GTSE1: variants seen among roughly 807,000 people sequenced by gnomAD.
The protein encoded by GTSE1 is G2 and S-phase expressed 1.
Under a neutral mutation model 60.5 loss-of-function variants are expected in GTSE1, and 52 were observed. The ratio of observed to expected loss-of-function variants is 0.86; its 90% CI spans 0.69 to 1.08. The LOEUF is 1.08. Ranked by LOEUF, GTSE1 falls within the 50% of genes least tolerant of loss-of-function variation. GTSE1 has a pLI of 0.00. For missense variants in GTSE1, 937 were observed against 961.8 expected, an observed-to-expected ratio of 0.97 and a Z score of 0.34; for synonymous variants, 368 against 386.5, an observed-to-expected ratio of 0.95 and a Z score of 0.56.
chr22:46,326,876 A>G, intron 9 of GTSE1: 1 of 455,208 alleles, frequency 2.2e-6, no homozygotes, highest in Non-Finnish European at 3.9e-6. Flanking sequence ...ATTCTCTGAT[A>G]ATCAATTTGA....
chr22:46,323,165 C>T (rs771926344), intron 7 of GTSE1, 25 bp from the exon 8 acceptor site: 22 of 1,558,330 alleles, frequency 1.4e-5, no homozygotes, highest in Admixed American at 3.3e-5. Context: ...TTTACCTGAC[C>T]GCACACTTCC....
chr22:46,302,986 G>A (rs566314792), intron 2 of GTSE1, among the ~76,000 whole-genome samples: 16 of 142,568 alleles, frequency 1.1e-4, no homozygotes, highest in African/African-American at 2.4e-4. Flanking sequence ...TGCAAGCTCC[G>A]CCTCCCAGGT....
chr22:46,311,552 C>T (rs905657767), intron 4 of GTSE1, among the ~76,000 whole-genome samples: 1 of 152,210 alleles, frequency 6.6e-6, no homozygotes, highest in Non-Finnish European at 1.5e-5. Flanking sequence ...GTTACTGCTG[C>T]GTCTTTACCA....
rs1387782062 is a variant in GTSE1, at chr22:46,317,993, C to T, written c.1432+1581C>T. Among the ~76,000 whole-genome samples the T allele has an allele frequency of 6.6e-6, 1 of 152,236 alleles. No homozygotes were observed. The highest frequency in any genetic ancestry group is 1.5e-5 in the Non-Finnish European group (1 of 68,048). The stretch of plus-strand genomic sequence containing the variant: ...GTGCTCAGCCAGAGACTCGAGATTC[C>T]CTTGGGTTCCTAGAGCTCGTTCTGT... On this transcript the variant is annotated intron_variant, in intron 7 of 11. Coordinates refer to ENST00000454366, the MANE Select transcript of GTSE1 (RefSeq NM_016426.7). This position sits in a 1 kb window ranked among gnomAD's most constrained non-coding sequence, Gnocchi z 5.6.
At position 46,310,145 on chromosome 22, in the gene GTSE1, G is replaced by A. The variant is rs2077740266; in HGVS notation, c.762+1202G>A. On this transcript the variant is annotated intron_variant, in intron 4 of 11. Transcript: ENST00000454366. The surrounding 1 kb of genome is among the most constrained non-coding windows in gnomAD (Gnocchi z 4.4). Reference sequence around the variant, plus strand: ...CTCTGGGAGAAGTCACTTCTAGAGTGGCTCATGGCACATGCTCACTCCTGT... The same window carrying A: ...CTCTGGGAGAAGTCACTTCTAGAGTAGCTCATGGCACATGCTCACTCCTGT... 6.6e-6 allele frequency among the ~76,000 whole-genome samples: 1 copy of A among 152,226 alleles called. No homozygotes were observed. Among genetic ancestry groups the A allele is most frequent in the Admixed American group, 6.5e-5 (1 of 15,288 alleles).
In GTSE1 at chr22:46,309,006, C is replaced by G. The variant is rs1343856442; in HGVS notation, c.762+63C>G. 6.6e-7 allele frequency: 1 copy of G among 1,520,990 alleles called. No individual in the cohort carries two copies. The highest frequency in any genetic ancestry group is 8.9e-7 in the Non-Finnish European group (1 of 1,129,700). The allele number at this position is 1,520,990 out of a possible 1,614,324, so 94.2% of individuals were successfully genotyped here. On this transcript the variant is annotated intron_variant, in intron 4 of 11. Transcript: ENST00000454366. This position sits in a 1 kb window ranked among gnomAD's most constrained non-coding sequence, Gnocchi z 6.2. ...CACTCCTTGCCCCTCAGCCCTCTCA[C>G]AGAAGCCACATGCGGAAAGCCTCAG...
At position 46,330,354 on chromosome 22, in the gene GTSE1, T is replaced by G; in HGVS notation, c.*224T>G. On this transcript the variant is annotated 3_prime_UTR_variant, in exon 12 of 12. Coordinates refer to ENST00000454366, the MANE Select transcript of GTSE1 (RefSeq NM_016426.7). This position sits in a 1 kb window ranked among gnomAD's most constrained non-coding sequence, Gnocchi z 6.0. ...AAAATTAGCCGGGTGTGGTAGTGCATGCCTGTAGTCCCAGCTACTTGGGAG... is the reference window on the plus strand; with the variant it reads ...AAAATTAGCCGGGTGTGGTAGTGCAGGCCTGTAGTCCCAGCTACTTGGGAG... 1 of 466,284 alleles carries G rather than the reference T, an allele frequency of 2.1e-6. No homozygotes were observed. The highest frequency in any genetic ancestry group is 3.9e-6 in the Non-Finnish European group (1 of 254,032). The allele number at this position is 466,284 out of a possible 1,614,324, so 28.9% of individuals were successfully genotyped here.
In GTSE1 at chr22:46,297,251, C is replaced by A. The variant is rs2077662237; in HGVS notation, c.-21-129C>A. The A allele has an allele frequency of 4.6e-6, 3 of 654,460 alleles. No individual in the cohort carries two copies. The highest frequency in any genetic ancestry group is 3.6e-5 in the African/African-American group (2 of 54,824). 40.5% of individuals were successfully genotyped at this position (654,460 alleles called of 1,614,324 possible). On this transcript the variant is annotated intron_variant, in intron 1 of 11. Transcript: ENST00000454366. The surrounding 1 kb of genome is among the most constrained non-coding windows in gnomAD (Gnocchi z 4.9). The stretch of plus-strand genomic sequence containing the variant: ...GGGATGCGATCATTTCAGAGCGGCC[C>A]CCGCGCCGCCTCTCCCAGACCTGGC...
chr22:46,303,928 T>C (rs1017036063), intron 2 of GTSE1, among the ~76,000 whole-genome samples: 1 of 152,186 alleles, frequency 6.6e-6, no homozygotes, highest in African/African-American at 2.4e-5. Flanking sequence ...GTTGGGGTCC[T>C]GGAGTGAGGA....
Position 46,329,921 on chromosome 22 carries a change from T to C in GTSE1, c.2137-126T>C. ...TAGACGTGGTGGCCCAGAGTGCTTT[T>C]CAGTGCACCCGAGCCAGGATGAGCG... On this transcript the variant is annotated intron_variant, in intron 11 of 11. Coordinates refer to ENST00000454366, the MANE Select transcript of GTSE1 (RefSeq NM_016426.7). This position sits in a 1 kb window ranked among gnomAD's most constrained non-coding sequence, Gnocchi z 6.4. 1 of 679,350 alleles carries C rather than the reference T, an allele frequency of 1.5e-6. No individual in the cohort carries two copies. Among genetic ancestry groups the C allele is most frequent in the Non-Finnish European group, 2.7e-6 (1 of 373,904 alleles). 42.1% of individuals were successfully genotyped at this position (679,350 alleles called of 1,614,324 possible).
chr22:46,329,917 C>T lies in GTSE1; in HGVS notation c.2137-130C>T. 1 of 670,654 alleles carries T rather than the reference C, an allele frequency of 1.5e-6. No homozygotes were observed. The allele number at this position is 670,654 out of a possible 1,614,324, so 41.5% of individuals were successfully genotyped here. On this transcript the variant is annotated intron_variant, in intron 11 of 11. Transcript: ENST00000454366. The surrounding 1 kb of genome is among the most constrained non-coding windows in gnomAD (Gnocchi z 6.4). The stretch of plus-strand genomic sequence containing the variant: ...TTCTTAGACGTGGTGGCCCAGAGTG[C>T]TTTTCAGTGCACCCGAGCCAGGATG...
intron 9 of GTSE1, among the ~76,000 whole-genome samples, 178 bp from the exon 10 acceptor site, chr22:46,328,510 G>A (rs975791542): frequency 6.6e-6 from 1 of 152,198 alleles, no homozygotes. Context: ...AGAGGAACTG[G>A]AGAGATCACT....
rs6008713 is a variant in GTSE1, at chr22:46,328,941, G to A, written c.1926+52G>A. 11,670 of 1,423,896 alleles carry A rather than the reference G, an allele frequency of 8.2e-3. 715 individuals are homozygous for A. In the African/African-American group the frequency reaches 0.14, roughly 17 times the overall value. The allele number at this position is 1,423,896 out of a possible 1,614,324, so 88.2% of individuals were successfully genotyped here. ...CTGTTAGCTGAGATTCCTGGAGGCT[G>A]CTCGGGAAGCCCGTGGAACCCAGGG... On this transcript the variant is annotated intron_variant, in intron 10 of 11. Transcript: ENST00000454366.
In GTSE1 at chr22:46,317,192, C is replaced by G. The variant is rs1275526021; in HGVS notation, c.1432+780C>G. Among the ~76,000 whole-genome samples, 1 of 152,112 alleles carries G rather than the reference C, an allele frequency of 6.6e-6. No homozygotes were observed. The highest frequency in any genetic ancestry group is 1.5e-5 in the Non-Finnish European group (1 of 68,034). On this transcript the variant is annotated intron_variant, in intron 7 of 11. Transcript: ENST00000454366. This position sits in a 1 kb window ranked among gnomAD's most constrained non-coding sequence, Gnocchi z 5.6. ...ATGTTGGCCAGGCTGGTCTGGAACT[C>G]CTGACCTCAAGTGACCCACCCATCT...
chr22:46,310,634 TAAAAAG>T lies in GTSE1; in HGVS notation c.763-1503_763-1498del, dbSNP rs1405665840. On this transcript the variant is annotated intron_variant, in intron 4 of 11. Transcript: ENST00000454366. This position sits in a 1 kb window ranked among gnomAD's most constrained non-coding sequence, Gnocchi z 4.4. ...CCAAACAATGGTTTATTTTTGGCAA[TAAAAAG>T]AAACACTACTGGGCGTGGTAGCTCA... Among the ~76,000 whole-genome samples the T allele has an allele frequency of 6.6e-6, 1 of 152,122 alleles. No individual in the cohort carries two copies. Among genetic ancestry groups the T allele is most frequent in the African/African-American group, 2.4e-5 (1 of 41,422 alleles).
chr22:46,300,746 G>C (rs939419722), intron 2 of GTSE1, among the ~76,000 whole-genome samples: 6 of 152,230 alleles, frequency 3.9e-5, no homozygotes, highest in Non-Finnish European at 7.3e-5. Flanking sequence ...GCCAGTCACA[G>C]AGCCTGGAGC....
At chr22:46,326,275 T>C (rs977803052) in intron 8 of GTSE1, among the ~76,000 whole-genome samples, 161 bp from the exon 9 acceptor site, 1 of 152,146 alleles carries the variant, frequency 6.6e-6, no homozygotes, top group Non-Finnish European at 1.5e-5. Flanking sequence ...CTTGCCCGCC[T>C]TGGGGCCTGT....
Position 46,308,157 on chromosome 22 carries a change from T to A in GTSE1, c.87T>A (p.Leu29=). 6.2e-7 allele frequency: 1 copy of A among 1,610,754 alleles called. No individual in the cohort carries two copies. Among genetic ancestry groups the A allele is most frequent in the Non-Finnish European group, 8.5e-7 (1 of 1,176,976 alleles). The part of the protein sequence containing the change: ...NMDDPKKEDI[L]LLADEKFDFD... The stretch of plus-strand genomic sequence containing the variant: ...TGGATTTTTTCCCTCTAGACATTCT[T>A]CTTTTGGCCGATGAAAAATTTGACT... The change falls in exon 3 of 12, where the codon CTT becomes CTA. Residue 29 remains leucine (L), a synonymous_variant. Transcript: ENST00000454366.
At chr22:46,306,217 A>G (rs2077714335) in intron 2 of GTSE1, among the ~76,000 whole-genome samples, 1 of 151,726 alleles carries the variant, frequency 6.6e-6, no homozygotes. Flanking sequence ...AGTCTCACTC[A>G]GTCACCCAGG....
Sources: allele counts gnomAD v4.1 joint callset (sites outside exome capture counted in the v4.1 genomes callset), GRCh38; gene constraint gnomAD v4.1.1; non-coding constraint Gnocchi (gnomAD v3.1); transcripts MANE v1.5; gene names NCBI Gene and HGNC (gene_info 2026-07-23, HGNC 2026-07-21).